CDKL5: variants seen among roughly 807,000 people sequenced by gnomAD.
CDKL5 encodes the protein cyclin dependent kinase like 5, also known as cyclin-dependent kinase-like 5.
A neutral mutation model predicts 61.7 loss-of-function variants in CDKL5; 8 were observed. The ratio of observed to expected loss-of-function variants is 0.13; its 90% CI spans 0.08 to 0.23. The LOEUF is 0.23. Among genes scored for constraint, CDKL5 ranks in the 10% least tolerant of loss-of-function variants. The probability of loss-of-function intolerance (pLI) is 1.00; values close to 1 mark genes in which losing one functional copy is unlikely to be tolerated. For synonymous variants in CDKL5, 275 were observed against 272.3 expected (o/e 1.01, Z -0.10); for missense variants, 440 against 734.5 (o/e 0.60, Z 4.63).
chrX:18,523,590 C>T (rs1171085152), intron 3 of CDKL5, among the ~76,000 whole-genome samples: 2 of 111,883 alleles, frequency 1.8e-5, no homozygotes, highest in African/African-American at 3.2e-5. Context: ...TAGACATCAT[C>T]TATTACCATT....
Position 18,635,240 on chromosome X carries a change from T to C in CDKL5, c.*6483T>C, listed in dbSNP as rs1437660633. The C allele has an allele frequency of 6.7e-6, 5 of 750,079 alleles. No individual in the cohort carries two copies. Among genetic ancestry groups the C allele is most frequent in the South Asian group, 6.8e-5 (1 of 14,763 alleles). 61.8% of individuals were successfully genotyped at this position (750,079 alleles called of 1,213,427 possible). ...GGCATGTAATTCCATTCTAAACTTA[T>C]GTAAAATTTCTATTGTTGCTGTAAA... On this transcript the variant is annotated 3_prime_UTR_variant, in exon 18 of 18. Transcript: ENST00000623535.
chrX:18,516,793 A>G (rs190530864), intron 3 of CDKL5, among the ~76,000 whole-genome samples: 92 of 111,863 alleles, frequency 8.2e-4, no homozygotes, highest in African/African-American at 2.8e-3. Flanking sequence ...CTGGAGTCCA[A>G]TGGCGCTATC....
chrX:18,495,106 T>A (rs192680051), intron 1 of CDKL5, among the ~76,000 whole-genome samples: 54 of 112,612 alleles, frequency 4.8e-4, no homozygotes, highest in African/African-American at 1.7e-3. Flanking sequence ...TCTCTTATTA[T>A]AACAGAAGTT....
intron 3 of CDKL5, among the ~76,000 whole-genome samples, chrX:18,527,915 T>C (rs1439755392): frequency 8.9e-6 from 1 of 112,103 alleles, no homozygotes; most frequent in African/African-American, 3.2e-5. Flanking sequence ...TAGTCCAAAA[T>C]ATTTTAAAAT....
At chrX:18,527,184 G>A (rs751671600) in intron 3 of CDKL5, among the ~76,000 whole-genome samples, 1 of 111,695 alleles carries the variant, frequency 9.0e-6, no homozygotes, top group South Asian at 3.7e-4. Flanking sequence ...ATTCATGAGA[G>A]GTATTGGTCT....
At chrX:18,611,643 A>T (rs898293468) in intron 14 of CDKL5, among the ~76,000 whole-genome samples, 1 of 111,257 alleles carries the variant, frequency 9.0e-6, no homozygotes, top group Non-Finnish European at 1.9e-5. Flanking sequence ...TAAGTTAGTT[A>T]GTCTTTGACC....
Position 18,488,029 on chromosome X carries a change from C to T in CDKL5, c.-162-18906C>T, listed in dbSNP as rs149686494. Among the ~76,000 whole-genome samples, 519 of 111,569 alleles carry T rather than the reference C, an allele frequency of 4.7e-3. 1 individual carries two copies. The highest frequency in any genetic ancestry group is 7.2e-3 in the Non-Finnish European group (381 of 53,095). ...TAAGTGGTATTTTTCTGCTAATTGA[C>T]CTTTTGAAATTCAAATACTACTTAA... On this transcript the variant is annotated intron_variant, in intron 1 of 17. Transcript: ENST00000623535.
At chrX:18,468,234 G>A (rs1312167592) in intron 1 of CDKL5, among the ~76,000 whole-genome samples, 1 of 112,088 alleles carries the variant, frequency 8.9e-6, no homozygotes, top group Non-Finnish European at 1.9e-5. Context: ...TAAAATTTGT[G>A]ACCTTAAAGG....
intron 20 of CDKL5, chrX:18,649,998 A>G (rs1602315190): frequency 4.6e-6 from 1 of 218,878 alleles, no homozygotes; most frequent in South Asian, 6.6e-5. Flanking sequence ...CGCCCCGCTC[A>G]GGGCTACTAG....
chrX:18,619,848 A>T lies in CDKL5; in HGVS notation c.2277-19A>T. 1 of 1,033,751 alleles carries T rather than the reference A, an allele frequency of 9.7e-7. No individual in the cohort carries two copies. The highest frequency in any genetic ancestry group is 1.4e-6 in the Non-Finnish European group (1 of 737,398). 85.2% of individuals were successfully genotyped at this position (1,033,751 alleles called of 1,213,427 possible). A position where few individuals can be genotyped will look rare whatever the true frequency, so the allele number is the denominator to read the frequency against. Reference sequence around the variant, plus strand: ...AAATGATTGAAAAATCAATATGATAAAAATGTCTTCTCATTTAGGAAAAGT... The same window carrying T: ...AAATGATTGAAAAATCAATATGATATAAATGTCTTCTCATTTAGGAAAAGT... On this transcript the variant is annotated intron_variant, in intron 15 of 17. Coordinates refer to ENST00000623535, the MANE Select transcript of CDKL5 (RefSeq NM_001323289.2).
At chrX:18,526,221 A>C (rs1362552718) in intron 3 of CDKL5, among the ~76,000 whole-genome samples, 1 of 112,179 alleles carries the variant, frequency 8.9e-6, no homozygotes, top group Non-Finnish European at 1.9e-5. Flanking sequence ...TTGTGTTTTC[A>C]ATTTCAAATT....
chrX:18,575,806 G>A (rs1209680488), intron 5 of CDKL5, among the ~76,000 whole-genome samples: 1 of 111,920 alleles, frequency 8.9e-6, no homozygotes, highest in Non-Finnish European at 1.9e-5. Flanking sequence ...GGAGAAACTG[G>A]TAAACTGACA....
chrX:18,533,517 G>A (rs1923717925), intron 3 of CDKL5, among the ~76,000 whole-genome samples: 1 of 111,683 alleles, frequency 9.0e-6, no homozygotes, highest in Non-Finnish European at 1.9e-5. Context: ...TAGTAATATA[G>A]TCTTAACAAA....
chrX:18,617,934 T>G (rs1222432972), intron 15 of CDKL5, among the ~76,000 whole-genome samples: 1 of 111,662 alleles, frequency 9.0e-6, no homozygotes, highest in Non-Finnish European at 1.9e-5. Flanking sequence ...GACCCAACGA[T>G]GCAACATGCA....
chrX:18,473,849 G>T (rs1921200913), intron 1 of CDKL5, among the ~76,000 whole-genome samples: 1 of 108,282 alleles, frequency 9.2e-6, no homozygotes, highest in African/African-American at 3.4e-5. Context: ...ACCTGGGGGT[G>T]GGGAGAGGGG....
At position 18,604,666 on chromosome X, in the gene CDKL5, A is replaced by G; in HGVS notation, c.1742A>G (p.His581Arg). The stretch of plus-strand genomic sequence containing the variant: ...CTGCCGGAGCACATGGACAGTAGCC[A>G]TTCCCATTCACTGTCTGCACCTCAC... ...LKLPEHMDSSHSHSLSAPHES... is the reference protein window; with the variant it reads ...LKLPEHMDSSRSHSLSAPHES... Residue 581 changes from histidine to arginine, a missense_variant, in exon 12 of 18, where the codon CAT (histidine) becomes CGT (arginine). Around this residue, in one of 2 missense-constraint regions of CDKL5, gnomAD observed 363 missense variants for 516.3 expected, o/e 0.70. Coordinates refer to ENST00000623535, the MANE Select transcript of CDKL5 (RefSeq NM_001323289.2). 8.3e-7 allele frequency: 1 copy of G among 1,211,267 alleles called. No individual in the cohort carries two copies. The highest frequency in any genetic ancestry group is 1.1e-6 in the Non-Finnish European group (1 of 894,697).
rs1925416760 is a variant in CDKL5 at position 18,579,827 on chromosome X, A to G, written c.283-21A>G. On this transcript the variant is annotated intron_variant, in intron 5 of 17. Coordinates refer to ENST00000623535, the MANE Select transcript of CDKL5 (RefSeq NM_001323289.2). ...ACGGGCCTACCTAATTTGGGAAATA[A>G]TGACTCTATTTAATTTTTAGAATAT... 2.5e-6 allele frequency: 3 copies of G among 1,199,469 alleles called. No individual in the cohort carries two copies. The Admixed American group carries it at 6.5e-5, about 26-fold the overall frequency.
intron 1 of CDKL5, among the ~76,000 whole-genome samples, chrX:18,437,131 T>C (rs966055861): frequency 1.8e-5 from 2 of 111,030 alleles, no homozygotes; most frequent in South Asian, 7.4e-4. Context: ...TTTAGTTCAA[T>C]GGAACCTTGG....
chrX:18,547,110 G>A (rs1924226111), intron 3 of CDKL5, among the ~76,000 whole-genome samples: 1 of 111,905 alleles, frequency 8.9e-6, no homozygotes, highest in African/African-American at 3.3e-5. Flanking sequence ...TGTATTCCCA[G>A]TGCCTGTTAC....
Sources: gnomAD v4.1 joint callset for allele counts (sites outside exome capture counted in the v4.1 genomes callset) on GRCh38, gnomAD v4.1.1 for gene constraint, gnomAD v4.1.1 regional missense constraint, MANE v1.5 for transcripts, NCBI Gene and HGNC (gene_info 2026-07-23, HGNC 2026-07-21) for gene names.